Variants in LRMDA observed in about 807,000 individuals in gnomAD.
LRMDA encodes leucine rich melanocyte differentiation associated.
Under a neutral mutation model 29.8 loss-of-function variants are expected in LRMDA, and 18 were observed. The observed-to-expected ratio is 0.60, with a 90% CI of 0.42 to 0.90. LRMDA has a LOEUF of 0.90. Ranked by LOEUF, LRMDA falls within the 40% of genes least tolerant of loss-of-function variation. LRMDA has a pLI of 0.00. For missense variants in LRMDA, 273 were observed against 273.9 expected (o/e 1.00, Z 0.02); for synonymous variants, 125 against 109.4 (o/e 1.14, Z -0.89).
intron 2 of LRMDA, among the ~76,000 whole-genome samples, chr10:75,446,386 GC>G (rs1378430562): frequency 6.6e-6 from 1 of 152,224 alleles, no homozygotes; most frequent in Non-Finnish European, 1.5e-5. Context: ...GAGGCTAAGA[GC>G]CTGGGCTTGA....
intron 5 of LRMDA, among the ~76,000 whole-genome samples, chr10:76,086,660 G>A (rs1240752810): frequency 1.3e-5 from 2 of 152,152 alleles, no homozygotes; most frequent in African/African-American, 4.8e-5. Context: ...GGGAGAGAGA[G>A]CGTTTTACTC....
intron 2 of LRMDA, among the ~76,000 whole-genome samples, chr10:75,529,868 G>A (rs1845457071): frequency 6.6e-6 from 1 of 152,130 alleles, no homozygotes; most frequent in African/African-American, 2.4e-5. Flanking sequence ...GGAATAGAAA[G>A]GGTCTATGCT....
chr10:76,064,967 CATATTCAGATT>C, intron 5 of LRMDA, among the ~76,000 whole-genome samples: 1 of 152,060 alleles, frequency 6.6e-6, no homozygotes, highest in East Asian at 1.9e-4. Context: ...TGTCTAGAGA[CATATTCAGATT>C]CTATTTTCAG....
At chr10:75,658,351 G>T (rs1195154313) in intron 2 of LRMDA, among the ~76,000 whole-genome samples, 1 of 150,800 alleles carries the variant, frequency 6.6e-6, no homozygotes, top group Non-Finnish European at 1.5e-5. Context: ...TGATTCAAAG[G>T]GTAGAAAATA....
chr10:75,879,288 T>C (rs959444449), intron 2 of LRMDA, among the ~76,000 whole-genome samples: 9 of 152,178 alleles, frequency 5.9e-5, no homozygotes, highest in Non-Finnish European at 1.2e-4. Flanking sequence ...GAACACTCAA[T>C]TGGCTGCTGC....
intron 2 of LRMDA, among the ~76,000 whole-genome samples, chr10:75,802,972 AT>A (rs141657133): frequency 0.072 from 7,913 of 109,892 alleles, 473 homozygotes; most frequent in East Asian, 0.33. Flanking sequence ...ATATATATAT[AT>A]TTTTTTTTTT....
intron 5 of LRMDA, among the ~76,000 whole-genome samples, chr10:76,294,921 C>T (rs1392492482): frequency 6.6e-6 from 1 of 152,120 alleles, no homozygotes; most frequent in Non-Finnish European, 1.5e-5. Flanking sequence ...ATACAGTTCA[C>T]CCATCATCTA....
chr10:75,493,323 A>G (rs1299650000), intron 2 of LRMDA, among the ~76,000 whole-genome samples: 1 of 150,574 alleles, frequency 6.6e-6, no homozygotes, highest in Non-Finnish European at 1.5e-5. Context: ...CTCCGTGAAG[A>G]GAGAGCCATA....
chr10:75,712,994 C>A (rs1390600347), intron 2 of LRMDA, among the ~76,000 whole-genome samples: 1 of 152,112 alleles, frequency 6.6e-6, no homozygotes, highest in Non-Finnish European at 1.5e-5. Flanking sequence ...TTTACCTGCT[C>A]CTTTTGAAAA....
At chr10:75,892,102 G>C (rs1178384757) in intron 2 of LRMDA, among the ~76,000 whole-genome samples, 2 of 152,162 alleles carry the variant, frequency 1.3e-5, no homozygotes, top group Admixed American at 1.3e-4. Flanking sequence ...TGGTGATCAT[G>C]GTGGTATTGC....
intron 6 of LRMDA, among the ~76,000 whole-genome samples, chr10:76,546,090 C>T (rs1055213189): frequency 3.3e-5 from 5 of 152,234 alleles, no homozygotes; most frequent in African/African-American, 1.2e-4. Context: ...TACATTTCTA[C>T]CTATAACTGT....
chr10:76,392,332 C>T (rs948114837), intron 6 of LRMDA, among the ~76,000 whole-genome samples: 4 of 151,808 alleles, frequency 2.6e-5, no homozygotes, highest in Admixed American at 2.6e-4. Flanking sequence ...GTTTTTAAAT[C>T]AACAGACAAA....
chr10:76,416,552 G>A (rs938379361), intron 6 of LRMDA, among the ~76,000 whole-genome samples: 1 of 152,180 alleles, frequency 6.6e-6, no homozygotes, highest in Admixed American at 6.5e-5. Context: ...AAATTAACCA[G>A]TGGTTATGTG....
intron 2 of LRMDA, among the ~76,000 whole-genome samples, chr10:75,816,767 A>G (rs1844068681): frequency 6.6e-6 from 1 of 152,188 alleles, no homozygotes; most frequent in Non-Finnish European, 1.5e-5. Flanking sequence ...GCGAGTCCTC[A>G]TGGAGGACTG....
chr10:75,585,047 C>T (rs1471162581), intron 2 of LRMDA, among the ~76,000 whole-genome samples: 1 of 152,170 alleles, frequency 6.6e-6, no homozygotes, highest in Non-Finnish European at 1.5e-5. Flanking sequence ...TTAATTATCA[C>T]AAAGTGAACA....
chr10:76,465,579 A>T (rs1356522366), intron 6 of LRMDA, among the ~76,000 whole-genome samples: 2 of 152,168 alleles, frequency 1.3e-5, no homozygotes, highest in Non-Finnish European at 2.9e-5. Flanking sequence ...ATCTTTGAGG[A>T]TCTGTTTTGT....
intron 2 of LRMDA, among the ~76,000 whole-genome samples, chr10:76,027,705 C>T (rs1848084670): frequency 6.6e-6 from 1 of 152,116 alleles, no homozygotes. Flanking sequence ...AAGCTTGGTG[C>T]AGATTAAAAT....
At chr10:75,834,218 T>C (rs1258109305) in intron 2 of LRMDA, among the ~76,000 whole-genome samples, 1 of 152,204 alleles carries the variant, frequency 6.6e-6, no homozygotes, top group Non-Finnish European at 1.5e-5. Context: ...GGGGATTCAT[T>C]CCATGAGACA....
rs1322559107 is a variant in LRMDA, at chr10:75,843,779, TGTTATACTG to T, written c.132-192226_132-192218del. On this transcript the variant is annotated intron_variant, in intron 2 of 6. Transcript: ENST00000611255. Reference sequence around the variant, plus strand: ...GGTTAAACTAATGAATCTTTAAGGTTGTTATACTGGTGAAAAGGTAAATAGCAACACAAA... The same window carrying T: ...GGTTAAACTAATGAATCTTTAAGGTTGTGAAAAGGTAAATAGCAACACAAA... Among the ~76,000 whole-genome samples the T allele has an allele frequency of 2.6e-5, 4 of 152,196 alleles. No individual in the cohort carries two copies. In the South Asian group the frequency reaches 6.2e-4, roughly 24 times the overall value.
Sources: allele counts gnomAD v4.1 joint callset (sites outside exome capture counted in the v4.1 genomes callset), GRCh38; gene constraint gnomAD v4.1.1; transcripts MANE v1.5; gene names NCBI Gene and HGNC (gene_info 2026-07-23, HGNC 2026-07-21).